DSTYK: variants seen among roughly 807,000 people sequenced by gnomAD.
The protein encoded by DSTYK is RIP-homologous kinase.
DSTYK carries 34 observed loss-of-function variants against 98.7 expected under a neutral mutation model. That is an observed-to-expected ratio of 0.34 (90% confidence interval 0.26 to 0.46). The LOEUF (loss-of-function observed/expected upper bound fraction) is 0.46, where lower values mean the gene tolerates loss of function less well. Ranked by LOEUF, DSTYK falls within the 20% of genes least tolerant of loss-of-function variation. The pLI is 1.00. For missense variants in DSTYK, 962 were observed against 1,181.7 expected (o/e 0.81, Z 2.73); for synonymous variants, 462 against 457.3 (o/e 1.01, Z -0.13).
At chr1:205,178,431 T>C (rs1019079232) in intron 2 of DSTYK, among the ~76,000 whole-genome samples, 1 of 151,892 alleles carries the variant, frequency 6.6e-6, no homozygotes, top group African/African-American at 2.4e-5. Context: ...ACTTACTAGA[T>C]TGAGAGAGAG....
chr1:205,189,030 C>G (rs1658634852), intron 1 of DSTYK, among the ~76,000 whole-genome samples: 1 of 152,064 alleles, frequency 6.6e-6, no homozygotes, highest in South Asian at 2.1e-4. Context: ...CATTGTTACC[C>G]ACATATCGAA....
In DSTYK at chr1:205,163,912, C is replaced by G; in HGVS notation, c.1368G>C (p.Glu456Asp). Reference sequence around the variant, plus strand: ...GGATCTGTCGGATGCAGCATTTGATCTCTCTGGTGCCTACTGGTTCTCCAT... The same window carrying G: ...GGATCTGTCGGATGCAGCATTTGATGTCTCTGGTGCCTACTGGTTCTCCAT... The part of the protein sequence containing the change: ...PENGEPVGTR[E>D]IKCCIRQIQE... The change falls in exon 4 of 13, where the codon GAG (glutamate) becomes GAC (aspartate). Residue 456 changes from glutamate (E) to aspartate (D), a missense_variant. Around this residue, in one of 4 missense-constraint regions of DSTYK, gnomAD observed 660 missense variants for 855.0 expected, o/e 0.77. Transcript: ENST00000367162. 6.2e-7 allele frequency: 1 copy of G among 1,614,120 alleles called. No homozygotes were observed. Among genetic ancestry groups the G allele is most frequent in the Non-Finnish European group, 8.5e-7 (1 of 1,180,022 alleles).
At chr1:205,183,145 C>T in intron 2 of DSTYK, among the ~76,000 whole-genome samples, 1 of 150,988 alleles carries the variant, frequency 6.6e-6, no homozygotes, top group Admixed American at 6.6e-5. Context: ...ACAACTGTTC[C>T]ATCAGATTTG....
chr1:205,169,533 C>A lies in DSTYK; in HGVS notation c.954G>T (p.Trp318Cys). 10 of 1,614,200 alleles carry A rather than the reference C, an allele frequency of 6.2e-6. No homozygotes were observed. The highest frequency in any genetic ancestry group is 2.2e-5 in the East Asian group (1 of 44,876). Residue 318 changes from tryptophan to cysteine, a missense_variant, in exon 3 of 13, where the codon TGG becomes TGT. Trp to Cys is a radical substitution (Grantham distance 215, BLOSUM62 -2). Coordinates refer to ENST00000367162, the MANE Select transcript of DSTYK (RefSeq NM_015375.3). The surrounding 1 kb of genome is among the most constrained non-coding windows in gnomAD (Gnocchi z 4.0). The part of the protein sequence containing the change: ...IDLGYLSSSH[W>C]NCGAPGQDTK... Reference sequence around the variant, plus strand: ...TATCCTGGCCAGGAGCCCCACAGTTCCAGTGACTGCTGCTCAGATAGCCCA... The same window carrying A: ...TATCCTGGCCAGGAGCCCCACAGTTACAGTGACTGCTGCTCAGATAGCCCA...
At position 205,169,345 on chromosome 1, in the gene DSTYK, T is replaced by C; in HGVS notation, c.1142A>G (p.Gln381Arg). The change falls in exon 3 of 13, where the codon CAG becomes CGG. Residue 381 changes from glutamine to arginine, a missense_variant. Coordinates refer to ENST00000367162, the MANE Select transcript of DSTYK (RefSeq NM_015375.3). The surrounding 1 kb of genome is among the most constrained non-coding windows in gnomAD (Gnocchi z 4.0). The stretch of plus-strand genomic sequence containing the variant: ...TTTGGGAGTGATCTGCAGGTCCCGC[T>C]GCATGTCAAATGCCTGGTTAATAAA... ...DIFINQAFDM[Q>R]RDLQITPKRL... The C allele has an allele frequency of 6.2e-7, 1 of 1,614,216 alleles. No individual in the cohort carries two copies. Among genetic ancestry groups the C allele is most frequent in the African/African-American group, 1.3e-5 (1 of 75,062 alleles).
chr1:205,209,777 CA>C (rs1659316042), intron 1 of DSTYK, among the ~76,000 whole-genome samples: 1 of 152,074 alleles, frequency 6.6e-6, no homozygotes, highest in South Asian at 2.1e-4. Context: ...AAAGTCAGAA[CA>C]ATTCATCCAG....
chr1:205,162,242 A>G, intron 5 of DSTYK, 30 bp from the exon 6 acceptor site: 1 of 1,608,082 alleles, frequency 6.2e-7, no homozygotes, highest in South Asian at 1.1e-5. Flanking sequence ...GAGATCACCA[A>G]GGAATGAGAG....
intron 2 of DSTYK, among the ~76,000 whole-genome samples, chr1:205,179,314 G>A (rs1658324043): frequency 6.6e-6 from 1 of 151,748 alleles, no homozygotes; most frequent in African/African-American, 2.4e-5. Context: ...AGTTATGAAA[G>A]TAGAATAAAA....
intron 3 of DSTYK, among the ~76,000 whole-genome samples, chr1:205,167,811 C>G (rs1189448946): frequency 6.6e-6 from 1 of 152,142 alleles, no homozygotes; most frequent in South Asian, 2.1e-4. Context: ...AGATAGGTAT[C>G]GAATACGTAA....
chr1:205,163,090 C>T, intron 4 of DSTYK, 84 bp from the exon 5 acceptor site: 1 of 1,197,940 alleles, frequency 8.3e-7, no homozygotes, highest in African/African-American at 1.5e-5. Flanking sequence ...ATTTCAAGAA[C>T]ACAGTCCAGA....
intron 3 of DSTYK, 22 bp from the exon 4 acceptor site, chr1:205,163,977 CT>C (rs1558606003): frequency 1.2e-6 from 2 of 1,604,384 alleles, no homozygotes; most frequent in South Asian, 2.2e-5. Flanking sequence ...GAGAAATAAG[CT>C]GAATAGTTGT....
chr1:205,175,877 C>T (rs10900456), intron 2 of DSTYK, among the ~76,000 whole-genome samples: 69,497 of 151,942 alleles, frequency 0.46, 19,328 homozygotes, highest in Non-Finnish European at 0.62. Context: ...AAATGATGCT[C>T]AAAGCCACTT....
At chr1:205,174,178 G>A (rs952755840) in intron 2 of DSTYK, among the ~76,000 whole-genome samples, 6 of 151,858 alleles carry the variant, frequency 4.0e-5, no homozygotes, top group Admixed American at 6.6e-5. Context: ...CAGGAGTTCG[G>A]GACCAGCCTG....
chr1:205,181,076 CATAAA>C (rs1419615362), intron 2 of DSTYK, among the ~76,000 whole-genome samples: 2 of 152,162 alleles, frequency 1.3e-5, no homozygotes, highest in Non-Finnish European at 2.9e-5. Flanking sequence ...TTTTTTGCCA[CATAAA>C]ATAAGAGTTT....
chr1:205,199,758 C>T (rs1199915541), intron 1 of DSTYK, among the ~76,000 whole-genome samples: 1 of 152,118 alleles, frequency 6.6e-6, no homozygotes, highest in Non-Finnish European at 1.5e-5. Flanking sequence ...GGAAGCAAAC[C>T]CCGTCATCCC....
chr1:205,148,408 C>A, intron 11 of DSTYK, 69 bp from the exon 12 acceptor site: 1 of 1,593,794 alleles, frequency 6.3e-7, no homozygotes, highest in South Asian at 1.1e-5. Context: ...CACCACCTTG[C>A]CTCAGTAGAG....
chr1:205,157,603 C>CA (rs1318879722), intron 9 of DSTYK, among the ~76,000 whole-genome samples: 2 of 151,800 alleles, frequency 1.3e-5, no homozygotes, highest in African/African-American at 4.8e-5. Context: ...ACTAAAAATG[C>CA]AAAAAAGAAT....
chr1:205,183,016 A>G (rs1574782039), intron 2 of DSTYK, among the ~76,000 whole-genome samples: 2 of 150,946 alleles, frequency 1.3e-5, no homozygotes, highest in South Asian at 4.2e-4. Context: ...ACGCTGAGCA[A>G]GTTTAATCAC....
At chr1:205,179,570 G>A (rs1658334956) in intron 2 of DSTYK, among the ~76,000 whole-genome samples, 1 of 148,964 alleles carries the variant, frequency 6.7e-6, no homozygotes, top group South Asian at 2.1e-4. Flanking sequence ...GCAGTGAGCC[G>A]AGATCGCGCC....
Sources: gnomAD v4.1 joint callset for allele counts (sites outside exome capture counted in the v4.1 genomes callset) on GRCh38, gnomAD v4.1.1 for gene constraint, gnomAD v4.1.1 regional missense constraint, Gnocchi (gnomAD v3.1) non-coding constraint, MANE v1.5 for transcripts, NCBI Gene and HGNC (gene_info 2026-07-23, HGNC 2026-07-21) for gene names.